The following AOPEP variants were observed in gnomAD, a reference collection of about 807,000 sequenced individuals.
The protein encoded by AOPEP is aminopeptidase O (putative).
In AOPEP, 77 loss-of-function variants were observed where a neutral mutation model predicts 98.1. The observed-to-expected ratio is 0.78, with a 90% confidence interval of 0.65 to 0.95. The LOEUF (loss-of-function observed/expected upper bound fraction) is 0.95. AOPEP is among the 40% of genes least tolerant of loss of function. AOPEP has a pLI of 0.00. For missense variants in AOPEP, 1,024 were observed against 1,024.7 expected (o/e 1.00, Z 0.01); for synonymous variants, 346 against 365.3 (o/e 0.95, Z 0.60).
chr9:94,738,252 T>C (rs1237069176), intron 1 of AOPEP, among the ~76,000 whole-genome samples: 1 of 152,210 alleles, frequency 6.6e-6, no homozygotes, highest in Non-Finnish European at 1.5e-5. Flanking sequence ...CTGAATTCAC[T>C]GAATTCCCAA....
At chr9:94,915,778 A>G (rs2136572599) in intron 5 of AOPEP, among the ~76,000 whole-genome samples, 1 of 152,370 alleles carries the variant, frequency 6.6e-6, no homozygotes, top group South Asian at 2.1e-4. Flanking sequence ...TCAGATTTGC[A>G]GAGGGCCTGA....
Position 94,926,053 on chromosome 9 carries a change from T to C in AOPEP, c.1554+1878T>C, listed in dbSNP as rs72750304. Among the ~76,000 whole-genome samples, 802 of 152,268 alleles carry C rather than the reference T, an allele frequency of 5.3e-3. 14 individuals carry two copies. Among genetic ancestry groups the C allele is most frequent in the East Asian group, 0.044 (225 of 5,172 alleles). On this transcript the variant is annotated intron_variant, in intron 6 of 16. Transcript: ENST00000375315. ...CTCTATCACCATCTCTTCCCTGGAG[T>C]GCCTCCCTTCTGAGACTCTCAGATT...
chr9:95,111,362 G>T, the AOPEP span: 4 of 1,597,870 alleles, frequency 2.5e-6, no homozygotes, highest in Admixed American at 6.7e-5. Flanking sequence ...GCAGAGCTCA[G>T]GTGTCATGGA....
chr9:95,138,404 C>A, the AOPEP span, among the ~76,000 whole-genome samples: 1 of 152,182 alleles, frequency 6.6e-6, no homozygotes, highest in Non-Finnish European at 1.5e-5. Flanking sequence ...CAATGGAGCC[C>A]TGGAGAGGGG....
chr9:95,147,517 A>T, the AOPEP span, among the ~76,000 whole-genome samples: 1 of 152,216 alleles, frequency 6.6e-6, no homozygotes, highest in Non-Finnish European at 1.5e-5. Context: ...ACTCTGTCTC[A>T]AAAAAGAAAA....
chr9:94,828,739 A>G (rs1005201303), intron 5 of AOPEP, among the ~76,000 whole-genome samples: 1 of 151,896 alleles, frequency 6.6e-6, no homozygotes, highest in Admixed American at 6.6e-5. Flanking sequence ...CACACAATAT[A>G]TATATATACA....
At chr9:95,086,609 ACACAGAGGT>A in intron 16 of AOPEP, 64 bp from the exon 17 acceptor site, 1 of 991,548 alleles carries the variant, frequency 1.0e-6, no homozygotes, top group Non-Finnish European at 1.2e-6. Context: ...GAGCAAAGGC[ACACAGAGGT>A]GCGCGCTCAC....
At chr9:95,031,929 A>G (rs2064345055) in intron 13 of AOPEP, among the ~76,000 whole-genome samples, 2 of 152,186 alleles carry the variant, frequency 1.3e-5, no homozygotes, top group Admixed American at 1.3e-4. Context: ...TCTTTTGATT[A>G]CATGTGTTTC....
chr9:95,026,160 C>T (rs1419351803), intron 13 of AOPEP, among the ~76,000 whole-genome samples: 1 of 152,158 alleles, frequency 6.6e-6, no homozygotes, highest in East Asian at 1.9e-4. Context: ...CATAGCTACC[C>T]AGGGCTTCAG....
chr9:94,903,002 A>G lies in AOPEP; in HGVS notation c.1365-20984A>G, dbSNP rs1343915630. On this transcript the variant is annotated intron_variant, in intron 5 of 16. Coordinates refer to ENST00000375315, the MANE Select transcript of AOPEP (RefSeq NM_001193329.3). ...CCGAAAGATTTTTTTTTTTTTGAAG[A>G]CAGAGTCTCATTCTGTCTCCCAGGC... Among the ~76,000 whole-genome samples the G allele has an allele frequency of 2.1e-5, 3 of 144,026 alleles. No individual in the cohort carries two copies. In the East Asian group the frequency reaches 6.2e-4, roughly 30 times the overall value. 94.5% of individuals were successfully genotyped at this position (144,026 alleles called of 152,430 possible).
At chr9:95,055,318 G>A (rs571153454) in intron 13 of AOPEP, among the ~76,000 whole-genome samples, 1 of 152,276 alleles carries the variant, frequency 6.6e-6, no homozygotes, top group Non-Finnish European at 1.5e-5. Flanking sequence ...ACTGCACCTG[G>A]GTTCTGTGGC....
At chr9:94,728,402 A>C (rs575797414) in intron 1 of AOPEP, among the ~76,000 whole-genome samples, 2 of 152,294 alleles carry the variant, frequency 1.3e-5, no homozygotes, top group Non-Finnish European at 2.9e-5. Flanking sequence ...TGAAAATTTT[A>C]TTGACTCTTT....
rs773215566 is a variant in AOPEP at position 94,800,991 on chromosome 9, G to A, written c.1353G>A (p.Leu451=). 3 of 1,614,138 alleles carry A rather than the reference G, an allele frequency of 1.9e-6. No individual in the cohort carries two copies. Among genetic ancestry groups the A allele is most frequent in the African/African-American group, 2.7e-5 (2 of 75,042 alleles). ...VLIVPANFPS[L]GMASPHIMFL... ...TCGTCCCTGCCAACTTTCCAAGTCT[G>A]GGGATGGCCAGGTATGTTGTTCCAT... The change falls in exon 5 of 17, where the codon CTG becomes CTA. Residue 451 remains leucine, a synonymous_variant. Coordinates refer to ENST00000375315, the MANE Select transcript of AOPEP (RefSeq NM_001193329.3).
intron 5 of AOPEP, among the ~76,000 whole-genome samples, chr9:94,836,155 A>G (rs2041577689): frequency 6.6e-6 from 1 of 152,212 alleles, no homozygotes; most frequent in African/African-American, 2.4e-5. Context: ...TGTAATTGCC[A>G]TGTAACTTAA....
At position 95,060,679 on chromosome 9, in the gene AOPEP, T is replaced by C. The variant is rs751896372; in HGVS notation, c.2116-15T>C. 3 of 1,551,458 alleles carry C rather than the reference T, an allele frequency of 1.9e-6. No homozygotes were observed. The highest frequency in any genetic ancestry group is 4.5e-5 in the East Asian group (2 of 44,586). On this transcript the variant is annotated splice_polypyrimidine_tract_variant and intron_variant, in intron 13 of 16. Coordinates refer to ENST00000375315, the MANE Select transcript of AOPEP (RefSeq NM_001193329.3). Reference sequence around the variant, plus strand: ...CTGAATGGCATTTTCATAGGCTGTTTGGTTTTGTCTTTAGCTTCTTCCAGA... The same window carrying C: ...CTGAATGGCATTTTCATAGGCTGTTCGGTTTTGTCTTTAGCTTCTTCCAGA...
At chr9:94,910,120 C>T (rs537883655) in intron 5 of AOPEP, among the ~76,000 whole-genome samples, 1 of 152,300 alleles carries the variant, frequency 6.6e-6, no homozygotes, top group East Asian at 1.9e-4. Flanking sequence ...ACTTCTTCCC[C>T]TTAACTAGTT....
chr9:94,759,000 T>C (rs1846666827), intron 1 of AOPEP, among the ~76,000 whole-genome samples: 1 of 152,190 alleles, frequency 6.6e-6, no homozygotes, highest in Admixed American at 6.5e-5. Context: ...TTTTCAGCTA[T>C]TAAGATGTAA....
At chr9:94,743,229 A>G (rs866783894) in intron 1 of AOPEP, among the ~76,000 whole-genome samples, 9 of 130,172 alleles carry the variant, frequency 6.9e-5, no homozygotes, top group East Asian at 2.4e-4. Flanking sequence ...AGGAAGAAGA[A>G]GAGGAAGAAG....
chr9:94,769,434 A>G lies in AOPEP; in HGVS notation c.798-3568A>G, dbSNP rs1048184144. On this transcript the variant is annotated intron_variant, in intron 2 of 16. Transcript: ENST00000375315. ...GCTGATGAAGAGAAAAAGGCCAAGA[A>G]AAGAATAGGCTGGGAGCACAAAGAT... Among the ~76,000 whole-genome samples the G allele has an allele frequency of 1.1e-4, 17 of 152,196 alleles. 1 individual carries two copies. Among genetic ancestry groups the G allele is most frequent in the African/African-American group, 3.9e-4 (16 of 41,436 alleles).
Sources: gnomAD v4.1 joint callset for allele counts (sites outside exome capture counted in the v4.1 genomes callset) on GRCh38, gnomAD v4.1.1 for gene constraint, MANE v1.5 for transcripts, NCBI Gene and HGNC (gene_info 2026-07-23, HGNC 2026-07-21) for gene names.